Variants in UBAP1L observed in about 807,000 individuals in gnomAD.
UBAP1L encodes the protein ubiquitin-associated protein 1-like.
In UBAP1L, 32 loss-of-function variants were observed where a neutral mutation model predicts 32.1. The observed-to-expected ratio is 1.00, with a 90% CI of 0.75 to 1.34. The LOEUF is 1.34. Among genes scored for constraint, UBAP1L ranks in the 40% most tolerant of loss-of-function variants. The pLI, the probability that UBAP1L is intolerant of heterozygous loss-of-function variation, is 0.00. For synonymous variants in UBAP1L, 243 were observed against 250.2 expected, an observed-to-expected ratio of 0.97 and a Z score of 0.27; for missense variants, 516 against 540.5, an observed-to-expected ratio of 0.95 and a Z score of 0.45.
chr15:65,098,388 C>G (rs1396404151), intron 4 of UBAP1L: 1 of 152,248 alleles, frequency 6.6e-6, no homozygotes, highest in African/African-American at 2.4e-5. Context: ...AAGTCCTGCT[C>G]AATGCTTGGT....
chr15:65,097,382 G>A (rs1180165880), intron 4 of UBAP1L: 3 of 152,306 alleles, frequency 2.0e-5, no homozygotes, highest in African/African-American at 7.2e-5. Flanking sequence ...AGTATCATCC[G>A]AAGGTAGGCG....
intron 4 of UBAP1L, chr15:65,097,948 G>T (rs148890883): frequency 2.6e-5 from 4 of 152,416 alleles, no homozygotes; most frequent in African/African-American, 7.2e-5. Flanking sequence ...TCTGATGGTG[G>T]TGGGGCAGGA....
In UBAP1L at chr15:65,102,253, C is replaced by T. The variant is rs769191771; in HGVS notation, c.552G>A (p.Leu184=). The part of the protein sequence containing the change: ...LLHGLRGHRA[L]SLCPSPAQSP... Reference sequence around the variant, plus strand: ...ACTGCGCAGGGCTCGGGCACAGGCTCAGCGCGCGGTGGCCGCGGAGGCCAT... The same window carrying T: ...ACTGCGCAGGGCTCGGGCACAGGCTTAGCGCGCGGTGGCCGCGGAGGCCAT... The change falls in exon 3 of 6, where the codon CTG becomes CTA. Residue 184 remains leucine (L), a synonymous_variant. Coordinates refer to ENST00000559089, the MANE Select transcript of UBAP1L (RefSeq NM_001163692.2). This position sits in a 1 kb window ranked among gnomAD's most constrained non-coding sequence, Gnocchi z 5.0. 7.7e-7 allele frequency: 1 copy of T among 1,297,128 alleles called. No individual in the cohort carries two copies. Among genetic ancestry groups the T allele is most frequent in the Admixed American group, 4.3e-5 (1 of 23,084 alleles). The allele number at this position is 1,297,128 out of a possible 1,614,324, so 80.4% of individuals were successfully genotyped here. A position where few individuals can be genotyped will look rare whatever the true frequency, so the allele number is the denominator to read the frequency against.
chr15:65,099,161 C>T, intron 4 of UBAP1L: 32 of 266,714 alleles, frequency 1.2e-4, no homozygotes, highest in Admixed American at 2.5e-4. Flanking sequence ...CTGTGATGTT[C>T]CATCCACACA....
intron 2 of UBAP1L, 69 bp downstream of exon 2, chr15:65,106,027 G>A: frequency 6.5e-7 from 1 of 1,532,950 alleles, no homozygotes; most frequent in Non-Finnish European, 8.8e-7. Context: ...TAAATTCAAG[G>A]AACAAGGCCC....
chr15:65,110,957 T>C (rs561463298), intron 1 of UBAP1L, among the ~76,000 whole-genome samples: 1 of 152,114 alleles, frequency 6.6e-6, no homozygotes, highest in Admixed American at 6.5e-5. Flanking sequence ...TGTGGAGAGG[T>C]AGGGTGGATA....
chr15:65,092,862 A>G lies in UBAP1L; in HGVS notation c.*235T>C, dbSNP rs570712275. ...AAATCAGGTGGTTTCACAGGCATGC[A>G]TGAAGAACATAGCTCCCCGTCCGGC... On this transcript the variant is annotated 3_prime_UTR_variant, in exon 6 of 6. Coordinates refer to ENST00000559089, the MANE Select transcript of UBAP1L (RefSeq NM_001163692.2). 7.7e-5 allele frequency: 43 copies of G among 559,394 alleles called. No individual in the cohort carries two copies. Among genetic ancestry groups the G allele is most frequent in the Non-Finnish European group, 1.2e-4 (39 of 326,386 alleles). The allele number at this position is 559,394 out of a possible 1,614,324, so 34.7% of individuals were successfully genotyped here.
rs114715355 is a variant in UBAP1L, at chr15:65,112,838, G to A, written c.-174+2312C>T. The stretch of plus-strand genomic sequence containing the variant: ...AATGGTAACATTGAGCCAGGTGCAC[G>A]AGTACTCATCTCTGATACTTTCCTC... On this transcript the variant is annotated intron_variant, in intron 1 of 5. Coordinates refer to ENST00000559089, the MANE Select transcript of UBAP1L (RefSeq NM_001163692.2). Among the ~76,000 whole-genome samples, 651 of 152,198 alleles carry A rather than the reference G, an allele frequency of 4.3e-3. 6 individuals are homozygous for A. The highest frequency in any genetic ancestry group is 0.015 in the African/African-American group (625 of 41,518).
Position 65,102,526 on chromosome 15 carries a change from T to C in UBAP1L, c.279A>G (p.Thr93=). The C allele has an allele frequency of 1.3e-6, 2 of 1,493,742 alleles. No homozygotes were observed. Among genetic ancestry groups the C allele is most frequent in the Non-Finnish European group, 1.8e-6 (2 of 1,120,736 alleles). The allele number at this position is 1,493,742 out of a possible 1,614,324, so 92.5% of individuals were successfully genotyped here. The change falls in exon 3 of 6, where the codon ACA becomes ACG. Residue 93 remains threonine, a synonymous_variant. Coordinates refer to ENST00000559089, the MANE Select transcript of UBAP1L (RefSeq NM_001163692.2). This position sits in a 1 kb window ranked among gnomAD's most constrained non-coding sequence, Gnocchi z 5.0. ...GGTGTCCGGCCTCCGGGTCTCTGAT[T>C]GTGGTGGGCGCAGGCGCCAGCCCAT... is the stretch of plus-strand genomic sequence containing the variant. ...PEHGLAPAPT[T]IRDPEAGHQE...
At chr15:65,098,400 T>A (rs1416012331) in intron 4 of UBAP1L, 2 of 152,248 alleles carry the variant, frequency 1.3e-5, no homozygotes, top group Non-Finnish European at 2.9e-5. Context: ...ATGCTTGGTA[T>A]CTCCATGAAG....
chr15:65,096,385 A>C (rs144705448), intron 4 of UBAP1L: 2 of 152,342 alleles, frequency 1.3e-5, no homozygotes, highest in Non-Finnish European at 2.9e-5. Flanking sequence ...GAATCAGTGA[A>C]TGGGGACAGC....
At chr15:65,100,980 G>A (rs575933668) in intron 3 of UBAP1L, 8 of 152,382 alleles carry the variant, frequency 5.2e-5, no homozygotes, top group Non-Finnish European at 1.0e-4. Flanking sequence ...ATCTGGTCTT[G>A]GATGTGGGCA....
intron 1 of UBAP1L, among the ~76,000 whole-genome samples, chr15:65,109,482 CAAAA>C (rs571155403): frequency 3.2e-5 from 2 of 63,140 alleles, no homozygotes; most frequent in African/African-American, 7.2e-5. Context: ...GAATCTGTCT[CAAAA>C]AAAAAAAAAA....
Position 65,106,115 on chromosome 15 carries a change from T to C in UBAP1L, c.101A>G (p.Glu34Gly). ...GPELSVPACG[E>G]VLLGSMHDFS... The stretch of plus-strand genomic sequence containing the variant: ...ACTTACCATAGAACCCAGCAGAACT[T>C]CCCCGCAGGCCGGGACGCTGAGTTC... Residue 34 changes from glutamate to glycine, a missense_variant, in exon 2 of 6, where the codon GAA (glutamate) becomes GGA (glycine). Glu to Gly is a moderately conservative substitution (Grantham distance 98). Coordinates refer to ENST00000559089, the MANE Select transcript of UBAP1L (RefSeq NM_001163692.2). 6.4e-7 allele frequency: 1 copy of C among 1,551,012 alleles called. No homozygotes were observed. Among genetic ancestry groups the C allele is most frequent in the Non-Finnish European group, 8.7e-7 (1 of 1,146,818 alleles).
At position 65,093,197 on chromosome 15, in the gene UBAP1L, C is replaced by T. The variant is rs531321491; in HGVS notation, c.1046G>A (p.Ser349Asn). The T allele has an allele frequency of 1.3e-6, 2 of 1,549,476 alleles. No individual in the cohort carries two copies. Among genetic ancestry groups the T allele is most frequent in the South Asian group, 2.4e-5 (2 of 83,924 alleles). Residue 349 changes from serine to asparagine, a missense_variant, in exon 6 of 6, where the codon AGT becomes AAT. Transcript: ENST00000559089. ...GEFLRLWEQF[S>N]DMGFQQDRIK... ...CCGGTCCTGCTGGAAGCCCATGTCA[C>T]TGAACTGCTCCCAGAGGCGCAGGAA...
rs147124785 is a variant in UBAP1L, at chr15:65,108,825, C to A, written c.-173-2437G>T. Among the ~76,000 whole-genome samples, 30 of 151,442 alleles carry A rather than the reference C, an allele frequency of 2.0e-4. No individual in the cohort carries two copies. The East Asian group carries it at 5.6e-3, about 28-fold the overall frequency. The stretch of plus-strand genomic sequence containing the variant: ...CAACAACAACTCCAAAAGAGACTAA[C>A]CATGAAGGAAAATTCTGATAAACTG... On this transcript the variant is annotated intron_variant, in intron 1 of 5. Transcript: ENST00000559089.
At position 65,094,912 on chromosome 15, in the gene UBAP1L, C is replaced by A. The variant is rs1042223688; in HGVS notation, c.910-336G>T. The A allele has an allele frequency of 2.2e-5, 8 of 362,210 alleles. No individual in the cohort carries two copies. The highest frequency in any genetic ancestry group is 3.7e-5 in the Non-Finnish European group (7 of 189,878). 22.4% of individuals were successfully genotyped at this position (362,210 alleles called of 1,614,324 possible). A position where few individuals can be genotyped will look rare whatever the true frequency, so the allele number is the denominator to read the frequency against. On this transcript the variant is annotated intron_variant, in intron 4 of 5. Coordinates refer to ENST00000559089, the MANE Select transcript of UBAP1L (RefSeq NM_001163692.2). This position sits in a 1 kb window ranked among gnomAD's most constrained non-coding sequence, Gnocchi z 4.2. ...CACAGACATCCCACCTACCACCCAA[C>A]GCAATTCAACATTCATGCACCACCC...
chr15:65,108,293 A>G (rs1003388051), intron 1 of UBAP1L, among the ~76,000 whole-genome samples: 1 of 152,108 alleles, frequency 6.6e-6, no homozygotes, highest in Non-Finnish European at 1.5e-5. Flanking sequence ...AAAAAAAAAA[A>G]CAAAAACAAT....
At position 65,094,903 on chromosome 15, in the gene UBAP1L, A is replaced by C; in HGVS notation, c.910-327T>G. On this transcript the variant is annotated intron_variant, in intron 4 of 5. Coordinates refer to ENST00000559089, the MANE Select transcript of UBAP1L (RefSeq NM_001163692.2). This position sits in a 1 kb window ranked among gnomAD's most constrained non-coding sequence, Gnocchi z 4.2. ...GGCTTCAAACACAGACATCCCACCTACCACCCAACGCAATTCAACATTCAT... is the reference window on the plus strand; with the variant it reads ...GGCTTCAAACACAGACATCCCACCTCCCACCCAACGCAATTCAACATTCAT... 1 of 380,178 alleles carries C rather than the reference A, an allele frequency of 2.6e-6. No homozygotes were observed. 23.6% of individuals were successfully genotyped at this position (380,178 alleles called of 1,614,324 possible).
Sources: allele counts gnomAD v4.1 joint callset (sites outside exome capture counted in the v4.1 genomes callset), GRCh38; gene constraint gnomAD v4.1.1; non-coding constraint Gnocchi (gnomAD v3.1); transcripts MANE v1.5; gene names NCBI Gene and HGNC (gene_info 2026-07-23, HGNC 2026-07-21).